NCOA1: variants seen among roughly 807,000 people sequenced by gnomAD.
The protein encoded by NCOA1 is nuclear receptor coactivator 1, also known as Hin-2 protein.
In NCOA1, 35 loss-of-function variants were observed where a neutral mutation model predicts 150.9. That is an observed-to-expected ratio of 0.23 (90% CI 0.18 to 0.31). NCOA1 has a LOEUF of 0.31. NCOA1 is among the 10% of genes least tolerant of loss of function. The probability of loss-of-function intolerance (pLI) is 1.00; values close to 1 mark genes in which losing one functional copy is unlikely to be tolerated. For synonymous variants in NCOA1, 590 were observed against 630.0 expected, an observed-to-expected ratio of 0.94 and a Z score of 0.95; for missense variants, 1,491 against 1,749.3, an observed-to-expected ratio of 0.85 and a Z score of 2.63.
At chr2:24,628,028 G>A (rs1329654862) in intron 3 of NCOA1, among the ~76,000 whole-genome samples, 2 of 152,116 alleles carry the variant, frequency 1.3e-5, no homozygotes, top group Non-Finnish European at 2.9e-5. Flanking sequence ...GGCCGGGCGC[G>A]GTGGCTCACG....
intron 3 of NCOA1, among the ~76,000 whole-genome samples, chr2:24,623,643 A>G (rs991529393): frequency 4.6e-5 from 7 of 152,194 alleles, no homozygotes; most frequent in Non-Finnish European, 1.0e-4. Flanking sequence ...TGGTTTAAAC[A>G]ACAGAAATTT....
intron 3 of NCOA1, among the ~76,000 whole-genome samples, chr2:24,600,242 G>A (rs1290399714): frequency 2.6e-5 from 4 of 152,010 alleles, no homozygotes; most frequent in Admixed American, 2.6e-4. Context: ...TGGCTCTGTC[G>A]CCCAGGCTGG....
intron 3 of NCOA1, among the ~76,000 whole-genome samples, chr2:24,641,360 C>A (rs1670209332): frequency 6.6e-6 from 1 of 151,402 alleles, no homozygotes; most frequent in South Asian, 2.1e-4. Flanking sequence ...ATACATACTT[C>A]TTTTAAAGAA....
chr2:24,710,311 C>T (rs1419410393), intron 13 of NCOA1, among the ~76,000 whole-genome samples: 2 of 151,912 alleles, frequency 1.3e-5, no homozygotes, highest in Non-Finnish European at 2.9e-5. Context: ...AGGCTGGTCT[C>T]GAACTTCTGA....
rs1414991380 is a variant in NCOA1, at chr2:24,767,819, T to C, written c.4156-402T>C. The C allele has an allele frequency of 7.7e-6, 3 of 389,824 alleles. No homozygotes were observed. In the East Asian group the frequency reaches 1.2e-4, roughly 15 times the overall value. The allele number at this position is 389,824 out of a possible 1,614,324, so 24.1% of individuals were successfully genotyped here. A position where few individuals can be genotyped will look rare whatever the true frequency, so the allele number is the denominator to read the frequency against. On this transcript the variant is annotated intron_variant, in intron 22 of 22. Coordinates refer to ENST00000348332, the MANE Select transcript of NCOA1 (RefSeq NM_003743.5). The stretch of plus-strand genomic sequence containing the variant: ...AATTTTTCAGTGACATCATAAAGAT[T>C]TTTTATCCTACTGAAATCATCCATA...
In NCOA1 at chr2:24,636,908, AT is replaced by A. The variant is rs1288879608; in HGVS notation, c.-174-7052del. On this transcript the variant is annotated intron_variant, in intron 3 of 22. Transcript: ENST00000348332. ...AATATGGTAAATTATGTAGATTTAA[AT>A]TTTTTATGTTAATTTTTAAATTGAC... Among the ~76,000 whole-genome samples, 6 of 151,364 alleles carry A rather than the reference AT, an allele frequency of 4.0e-5. No homozygotes were observed. The East Asian group carries it at 5.8e-4, about 15-fold the overall frequency.
chr2:24,683,336 C>T (rs1018020341), intron 8 of NCOA1, among the ~76,000 whole-genome samples: 1 of 152,088 alleles, frequency 6.6e-6, no homozygotes, highest in Non-Finnish European at 1.5e-5. Flanking sequence ...GTATTCCTTT[C>T]AGCTTCTTCC....
At chr2:24,692,959 C>T (rs1375102091) in intron 9 of NCOA1, among the ~76,000 whole-genome samples, 1 of 152,198 alleles carries the variant, frequency 6.6e-6, no homozygotes, top group Non-Finnish European at 1.5e-5. Context: ...CTCCCGGGTT[C>T]ACGCCATTCT....
chr2:24,538,964 C>A (rs1035882333), intron 1 of NCOA1, among the ~76,000 whole-genome samples: 9 of 152,184 alleles, frequency 5.9e-5, no homozygotes, highest in African/African-American at 2.2e-4. Context: ...TTACAGAGGA[C>A]AGGACCTCTA....
In NCOA1 at chr2:24,649,851, A is replaced by G. The variant is rs1291547780; in HGVS notation, c.-18+5729A>G. Among the ~76,000 whole-genome samples the G allele has an allele frequency of 2.6e-5, 4 of 152,324 alleles. No individual in the cohort carries two copies. The East Asian group carries it at 5.8e-4, about 22-fold the overall frequency. On this transcript the variant is annotated intron_variant, in intron 4 of 22. Transcript: ENST00000348332. ...GTGGAATAAGCTTTTAGTGGTAAAC[A>G]CAGACGTATTAAATATATTGTTTCA... is the stretch of plus-strand genomic sequence containing the variant.
intron 7 of NCOA1, among the ~76,000 whole-genome samples, chr2:24,678,988 T>G (rs1189841464): frequency 6.6e-6 from 1 of 152,224 alleles, no homozygotes; most frequent in Non-Finnish European, 1.5e-5. Flanking sequence ...TGCCTAGATA[T>G]TCTTCTAGGG....
At chr2:24,677,900 G>A (rs972546440) in intron 7 of NCOA1, among the ~76,000 whole-genome samples, 4 of 151,980 alleles carry the variant, frequency 2.6e-5, no homozygotes, top group Non-Finnish European at 4.4e-5. Context: ...TTTAAGTTCC[G>A]GGGTACATGT....
chr2:24,741,241 T>C (rs1334013621), intron 18 of NCOA1, among the ~76,000 whole-genome samples: 1 of 151,358 alleles, frequency 6.6e-6, no homozygotes. Context: ...TAAAATCACC[T>C]ATAATCACAT....
chr2:24,576,173 T>TTTTTTTTTTTTTTTTTTTTTTTTG (rs1558806620), intron 2 of NCOA1, among the ~76,000 whole-genome samples: 2 of 40,922 alleles, frequency 4.9e-5, no homozygotes, highest in Admixed American at 3.9e-4. Flanking sequence ...GTTTTTTGTT[T>TTTTTTTTTTTTTTTTTTTTTTTTG]TTTTTTTTTT....
chr2:24,656,604 C>T (rs1014861012), intron 4 of NCOA1, among the ~76,000 whole-genome samples: 12 of 152,168 alleles, frequency 7.9e-5, no homozygotes, highest in African/African-American at 2.9e-4. Context: ...GTTAAACAAC[C>T]TCTGGCTATC....
chr2:24,733,475 G>T (rs1338103022), intron 17 of NCOA1, among the ~76,000 whole-genome samples: 1 of 152,234 alleles, frequency 6.6e-6, no homozygotes, highest in Non-Finnish European at 1.5e-5. Context: ...CGGGCACAGT[G>T]GCTCACGCCT....
chr2:24,574,108 T>C (rs183331350), intron 2 of NCOA1, among the ~76,000 whole-genome samples: 17 of 152,064 alleles, frequency 1.1e-4, no homozygotes, highest in Non-Finnish European at 2.4e-4. Flanking sequence ...TAGAAAAATA[T>C]CTGACAAATC....
intron 13 of NCOA1, among the ~76,000 whole-genome samples, chr2:24,710,511 T>A (rs1673694151): frequency 6.6e-6 from 1 of 152,220 alleles, no homozygotes. Context: ...TTTTAAATTA[T>A]AAAATAGTTG....
At chr2:24,667,764 T>C (rs559628057) in intron 6 of NCOA1, among the ~76,000 whole-genome samples, 1 of 152,336 alleles carries the variant, frequency 6.6e-6, no homozygotes, top group Non-Finnish European at 1.5e-5. Flanking sequence ...TTGCTGTTCC[T>C]TCTGTCTGGA....
Sources: allele counts gnomAD v4.1 joint callset (sites outside exome capture counted in the v4.1 genomes callset), GRCh38; gene constraint gnomAD v4.1.1; transcripts MANE v1.5; gene names NCBI Gene and HGNC (gene_info 2026-07-23, HGNC 2026-07-21).